Variants in POLA1 observed in about 807,000 individuals in gnomAD.
POLA1 encodes the protein DNA polymerase alpha 1, catalytic subunit, also known as DNA polymerase alpha catalytic subunit.
POLA1 carries 15 observed loss-of-function variants against 124.0 expected under a neutral mutation model. That is an observed-to-expected ratio of 0.12 (90% CI 0.08 to 0.19). The LOEUF is 0.19. POLA1 is among the 10% of genes least tolerant of loss of function. POLA1 has a pLI of 1.00. For missense variants in POLA1, 886 were observed against 1,103.4 expected (o/e 0.80, Z 2.79); for synonymous variants, 408 against 389.4 (o/e 1.05, Z -0.56).
At chrX:24,866,405 TATC>T (rs113193025) in intron 34 of POLA1, among the ~76,000 whole-genome samples, 34 of 112,094 alleles carry the variant, frequency 3.0e-4, no homozygotes, top group African/African-American at 1.0e-3. Flanking sequence ...CTTGTCCTAA[TATC>T]ATTATAATCT....
intron 34 of POLA1, among the ~76,000 whole-genome samples, chrX:24,855,216 G>A (rs2046627348): frequency 8.9e-6 from 1 of 111,733 alleles, no homozygotes; most frequent in Non-Finnish European, 1.9e-5. Context: ...ATTTCTGTTA[G>A]TCTAAGTGTT....
At chrX:24,797,850 C>G (rs767724812) in intron 26 of POLA1, among the ~76,000 whole-genome samples, 10 of 107,382 alleles carry the variant, frequency 9.3e-5, no homozygotes, top group Non-Finnish European at 1.2e-4. Flanking sequence ...GAGTTTGAGA[C>G]CAGGGTAGGC....
chrX:24,777,680 A>G (rs964056482), intron 26 of POLA1, among the ~76,000 whole-genome samples: 5 of 112,374 alleles, frequency 4.4e-5, no homozygotes, highest in Non-Finnish European at 9.4e-5. Flanking sequence ...ACTGCTATCT[A>G]TCTCTAATCC....
At chrX:24,850,840 T>G (rs777649791) in intron 34 of POLA1, among the ~76,000 whole-genome samples, 1 of 112,285 alleles carries the variant, frequency 8.9e-6, no homozygotes, top group African/African-American at 3.2e-5. Context: ...CGTTATTAAT[T>G]ATCACTGTTC....
intron 2 of POLA1, among the ~76,000 whole-genome samples, chrX:24,700,206 C>T (rs934127790): frequency 9.2e-6 from 1 of 109,051 alleles, no homozygotes. Flanking sequence ...ACTTTTTGAA[C>T]TAACATATTA....
At chrX:24,726,891 T>C (rs756662639) in intron 13 of POLA1, 42 bp from the exon 14 acceptor site, 14 of 1,062,767 alleles carry the variant, frequency 1.3e-5, no homozygotes, top group Non-Finnish European at 1.8e-5. Flanking sequence ...TGCAAAGTAA[T>C]AGTTTTAAAC....
intron 34 of POLA1, among the ~76,000 whole-genome samples, chrX:24,870,696 G>A (rs2147112686): frequency 9.0e-6 from 1 of 111,729 alleles, no homozygotes; most frequent in African/African-American, 3.3e-5. Context: ...CTAAGCCCTA[G>A]AATGGAATCA....
intron 15 of POLA1, 98 bp downstream of exon 15, chrX:24,728,034 G>T: frequency 1.6e-6 from 1 of 641,840 alleles, no homozygotes; most frequent in Non-Finnish European, 2.3e-6. Context: ...TCTTTTTGGA[G>T]GGGAAAGAAT....
chrX:24,938,245 G>A (rs1601889662), intron 36 of POLA1, among the ~76,000 whole-genome samples: 1 of 111,609 alleles, frequency 9.0e-6, no homozygotes, highest in Non-Finnish European at 1.9e-5. Flanking sequence ...TGAAACCTCC[G>A]TCTCTATTAA....
intron 34 of POLA1, among the ~76,000 whole-genome samples, chrX:24,880,756 C>T (rs1422430088): frequency 1.8e-5 from 2 of 111,797 alleles, no homozygotes; most frequent in Non-Finnish European, 3.8e-5. Context: ...GGGGATAATT[C>T]TGTGGCAGAA....
At chrX:24,987,451 C>T (rs893702359) in intron 36 of POLA1, among the ~76,000 whole-genome samples, 1 of 111,953 alleles carries the variant, frequency 8.9e-6, no homozygotes, top group Non-Finnish European at 1.9e-5. Context: ...AAGTGCAATG[C>T]TTATTTAAGC....
chrX:24,768,402 A>G (rs1932959249), intron 26 of POLA1, among the ~76,000 whole-genome samples: 1 of 111,973 alleles, frequency 8.9e-6, no homozygotes, highest in Non-Finnish European at 1.9e-5. Context: ...TAAAATAGTG[A>G]TGCCATGCAC....
At chrX:24,884,532 TAAATA>T (rs2047041499) in intron 34 of POLA1, among the ~76,000 whole-genome samples, 1 of 112,412 alleles carries the variant, frequency 8.9e-6, no homozygotes, top group African/African-American at 3.2e-5. Context: ...AACAAGGGGT[TAAATA>T]AAATGTACTT....
chrX:24,952,783 G>C (rs1178816237), intron 36 of POLA1, among the ~76,000 whole-genome samples: 4 of 111,487 alleles, frequency 3.6e-5, no homozygotes, highest in Non-Finnish European at 7.5e-5. Context: ...AAGTGATAGA[G>C]ACATCAGCCA....
intron 32 of POLA1, among the ~76,000 whole-genome samples, chrX:24,839,109 A>T (rs1439649032): frequency 8.9e-6 from 1 of 111,889 alleles, no homozygotes; most frequent in African/African-American, 3.3e-5. Flanking sequence ...TGCCTGTTGA[A>T]CTTATAACTG....
chrX:24,895,790 T>C (rs1045342013), intron 35 of POLA1, among the ~76,000 whole-genome samples: 4 of 112,648 alleles, frequency 3.6e-5, no homozygotes, highest in Middle Eastern at 4.7e-3. Flanking sequence ...AAAGTATTGG[T>C]TAAAATGTTG....
At chrX:24,836,493 TC>T (rs2046342817) in intron 32 of POLA1, among the ~76,000 whole-genome samples, 1 of 112,384 alleles carries the variant, frequency 8.9e-6, no homozygotes, top group Non-Finnish European at 1.9e-5. Flanking sequence ...GTTTGGGTGC[TC>T]CACATTCTTA....
intron 3 of POLA1, among the ~76,000 whole-genome samples, chrX:24,703,760 G>A (rs1172383256): frequency 8.9e-6 from 1 of 111,982 alleles, no homozygotes; most frequent in Non-Finnish European, 1.9e-5. Flanking sequence ...GTCTTCATCT[G>A]TAATATGGGG....
At chrX:24,893,390 A>G (rs2047167122) in intron 35 of POLA1, among the ~76,000 whole-genome samples, 1 of 111,830 alleles carries the variant, frequency 8.9e-6, no homozygotes, top group Non-Finnish European at 1.9e-5. Flanking sequence ...ACCTTTTTCA[A>G]TTTACTTTTT....
Sources: gnomAD v4.1 joint callset for allele counts (sites outside exome capture counted in the v4.1 genomes callset) on GRCh38, gnomAD v4.1.1 for gene constraint, MANE v1.5 for transcripts, NCBI Gene and HGNC (gene_info 2026-07-23, HGNC 2026-07-21) for gene names.